Variants in SOCS4 observed in about 807,000 individuals in gnomAD.
The protein encoded by SOCS4 is suppressor of cytokine signaling 4.
SOCS4 carries 20 observed loss-of-function variants against 34.1 expected under a neutral mutation model. That is an observed-to-expected ratio of 0.59 (90% confidence interval 0.41 to 0.85). The LOEUF (loss-of-function observed/expected upper bound fraction) is 0.85, where lower values mean the gene tolerates loss of function less well. SOCS4 is among the 40% of genes least tolerant of loss of function. The pLI, the probability that SOCS4 is intolerant of heterozygous loss-of-function variation, is 0.00. For synonymous variants in SOCS4, 180 were observed against 186.4 expected (o/e 0.97, Z 0.28); for missense variants, 479 against 532.4 (o/e 0.90, Z 0.99).
At chr14:55,042,594 A>G (rs1365828611) in intron 2 of SOCS4, among the ~76,000 whole-genome samples, 5 of 152,226 alleles carry the variant, frequency 3.3e-5, no homozygotes, top group African/African-American at 1.2e-4. Context: ...CTGCTGTGAA[A>G]TAAGAAAACT....
intron 2 of SOCS4, among the ~76,000 whole-genome samples, chr14:55,033,933 A>T (rs1267428907): frequency 1.3e-5 from 2 of 152,192 alleles, no homozygotes; most frequent in African/African-American, 4.8e-5. Flanking sequence ...GAGGAATTCA[A>T]CACCAGCCTG....
At position 55,043,585 on chromosome 14, in the gene SOCS4, G is replaced by A. The variant is rs2042641810; in HGVS notation, c.544G>A (p.Glu182Lys). 6.2e-7 allele frequency: 1 copy of A among 1,614,096 alleles called. No individual in the cohort carries two copies. The highest frequency in any genetic ancestry group is 1.3e-5 in the African/African-American group (1 of 75,030). The change falls in exon 3 of 3, where the codon GAA becomes AAA. Residue 182 changes from glutamate to lysine, a missense_variant. Coordinates refer to ENST00000555846, the MANE Select transcript of SOCS4 (RefSeq NM_199421.2). ...TGGTCAGCTAAAACGAAGAAATATG[G>A]AAGAAAATATAAACTGTTTCTCACA... Reference protein sequence around the residue: ...RDGQLKRRNMEENINCFSHTN... With the variant: ...RDGQLKRRNMKENINCFSHTN...
intron 2 of SOCS4, among the ~76,000 whole-genome samples, chr14:55,039,876 A>G (rs1353854886): frequency 6.6e-6 from 1 of 152,232 alleles, no homozygotes; most frequent in Non-Finnish European, 1.5e-5. Flanking sequence ...AGCCCAGGCA[A>G]CAGAGCAAGA....
chr14:55,042,932 CTTT>C lies in SOCS4; in HGVS notation c.-90-14_-90-12del. On this transcript the variant is annotated splice_polypyrimidine_tract_variant and intron_variant, in intron 2 of 2. Coordinates refer to ENST00000555846, the MANE Select transcript of SOCS4 (RefSeq NM_199421.2). ...AAGGTAGATGACAAATGGTTAATGACTTTTTTTTGTTTTCTTTAGATACATCCA... is the reference window on the plus strand; with the variant it reads ...AAGGTAGATGACAAATGGTTAATGACTTTTTGTTTTCTTTAGATACATCCA... The C allele has an allele frequency of 1.0e-6, 1 of 989,892 alleles. No individual in the cohort carries two copies. The highest frequency in any genetic ancestry group is 1.8e-5 in the South Asian group (1 of 56,980). 61.3% of individuals were successfully genotyped at this position (989,892 alleles called of 1,614,324 possible).
rs2042667222 is a variant in SOCS4 at position 55,045,524 on chromosome 14, G to T, written c.*1160G>T. Reference sequence around the variant, plus strand: ...AGTCTGTAATGTGGCTTCAAAAAAAGAAAGCCTTTTGACAGCTACATGACT... The same window carrying T: ...AGTCTGTAATGTGGCTTCAAAAAAATAAAGCCTTTTGACAGCTACATGACT... On this transcript the variant is annotated 3_prime_UTR_variant, in exon 3 of 3. Transcript: ENST00000555846. 1 of 166,880 alleles carries T rather than the reference G, an allele frequency of 6.0e-6. No homozygotes were observed. Among genetic ancestry groups the T allele is most frequent in the Non-Finnish European group, 1.5e-5 (1 of 68,012 alleles). The allele number at this position is 166,880 out of a possible 1,614,324, so 10.3% of individuals were successfully genotyped here. A position where few individuals can be genotyped will look rare whatever the true frequency, so the allele number is the denominator to read the frequency against.
chr14:55,042,903 A>T, intron 2 of SOCS4, 49 bp from the exon 3 acceptor site: 1 of 724,598 alleles, frequency 1.4e-6, no homozygotes, highest in Non-Finnish European at 2.2e-6. Flanking sequence ...TATGTAAACT[A>T]GACAAGGTAG....
Position 55,043,445 on chromosome 14 carries a change from C to T in SOCS4, c.404C>T (p.Pro135Leu), listed in dbSNP as rs1255541004. The stretch of plus-strand genomic sequence containing the variant: ...CTCATGTTAGATAAGTGTCCTTTCC[C>T]ACCTCGATCAGATTTAGCCTTTAGG... ...SELMLDKCPF[P>L]PRSDLAFRWH... Residue 135 changes from proline to leucine, a missense_variant, in exon 3 of 3, where the codon CCA becomes CTA. Coordinates refer to ENST00000555846, the MANE Select transcript of SOCS4 (RefSeq NM_199421.2). 1.9e-6 allele frequency: 3 copies of T among 1,614,014 alleles called. No homozygotes were observed. Among genetic ancestry groups the T allele is most frequent in the Non-Finnish European group, 2.5e-6 (3 of 1,180,038 alleles).
At position 55,045,826 on chromosome 14, in the gene SOCS4, A is replaced by G. The variant is rs904066613; in HGVS notation, c.*1462A>G. 2.4e-5 allele frequency: 4 copies of G among 166,952 alleles called. No individual in the cohort carries two copies. Among genetic ancestry groups the G allele is most frequent in the African/African-American group, 9.6e-5 (4 of 41,458 alleles). 10.3% of individuals were successfully genotyped at this position (166,952 alleles called of 1,614,324 possible). On this transcript the variant is annotated 3_prime_UTR_variant, in exon 3 of 3. Transcript: ENST00000555846. ...TTAGCTATATTAGGAAACTGCTTCT[A>G]CCTAGATTGAAAGAAATTTGACTCA...
rs2042691374 is a variant in SOCS4 at position 55,047,928 on chromosome 14, CTTTTTTTTTGAGA to C, written c.*3565_*3577del. On this transcript the variant is annotated 3_prime_UTR_variant, in exon 3 of 3. Transcript: ENST00000555846. ...CTATGAAACAAAAACCTTGAGATCT[CTTTTTTTTTGAGA>C]CAGAGTCTCGCTGTTGTCAGCCCAG... The C allele has an allele frequency of 6.0e-6, 1 of 166,128 alleles. No individual in the cohort carries two copies. The highest frequency in any genetic ancestry group is 6.6e-5 in the Admixed American group (1 of 15,172). 10.3% of individuals were successfully genotyped at this position (166,128 alleles called of 1,614,324 possible).
intron 1 of SOCS4, 174 bp downstream of exon 1, chr14:55,027,645 A>G (rs1171931105): frequency 6.6e-6 from 1 of 152,210 alleles, no homozygotes; most frequent in Non-Finnish European, 1.5e-5. Context: ...AGAAGGCGAG[A>G]TCTTCTAGAG....
chr14:55,035,968 A>G (rs542754357), intron 2 of SOCS4, among the ~76,000 whole-genome samples: 94 of 150,400 alleles, frequency 6.3e-4, no homozygotes, highest in African/African-American at 2.2e-3. Context: ...TGATTTAAAG[A>G]AAAAAAAAAT....
Position 55,046,270 on chromosome 14 carries a change from A to G in SOCS4, c.*1906A>G, listed in dbSNP as rs1313112833. 2 of 166,916 alleles carry G rather than the reference A, an allele frequency of 1.2e-5. No homozygotes were observed. Among genetic ancestry groups the G allele is most frequent in the Admixed American group, 6.5e-5 (1 of 15,284 alleles). The allele number at this position is 166,916 out of a possible 1,614,324, so 10.3% of individuals were successfully genotyped here. A position where few individuals can be genotyped will look rare whatever the true frequency, so the allele number is the denominator to read the frequency against. ...AGAAGCTTATCTTATTAACCAATATACCACTTCCTAAATATCCATCTTTGG... is the reference window on the plus strand; with the variant it reads ...AGAAGCTTATCTTATTAACCAATATGCCACTTCCTAAATATCCATCTTTGG... On this transcript the variant is annotated 3_prime_UTR_variant, in exon 3 of 3. Transcript: ENST00000555846.
chr14:55,048,888 G>A lies in SOCS4; in HGVS notation c.*4524G>A, dbSNP rs1270058867. ...AAAATAATTGCTGTACAGCCATTGA[G>A]TACTAACATGATGATAGGTTTTCAA... On this transcript the variant is annotated 3_prime_UTR_variant, in exon 3 of 3. Transcript: ENST00000555846. The A allele has an allele frequency of 6.0e-6, 1 of 167,056 alleles. No homozygotes were observed. The highest frequency in any genetic ancestry group is 1.5e-5 in the Non-Finnish European group (1 of 68,112). The allele number at this position is 167,056 out of a possible 1,614,324, so 10.3% of individuals were successfully genotyped here.
chr14:55,029,849 T>G (rs558290646), intron 1 of SOCS4, among the ~76,000 whole-genome samples: 1 of 152,284 alleles, frequency 6.6e-6, no homozygotes, highest in Admixed American at 6.5e-5. Context: ...TATGTATACT[T>G]AATATGATAT....
chr14:55,042,556 G>A (rs143605998), intron 2 of SOCS4, among the ~76,000 whole-genome samples: 190 of 152,296 alleles, frequency 1.2e-3, no homozygotes, highest in African/African-American at 4.4e-3. Flanking sequence ...ATAGATTTGT[G>A]TCTGTCTTCT....
In SOCS4 at chr14:55,049,476, A is replaced by G. The variant is rs2042706525; in HGVS notation, c.*5112A>G. On this transcript the variant is annotated 3_prime_UTR_variant, in exon 3 of 3. Coordinates refer to ENST00000555846, the MANE Select transcript of SOCS4 (RefSeq NM_199421.2). ...CATTTCTACTTAATTAAAACTTCCT[A>G]TGTAAAATCCAAAGGCTTTGTGTTT... 6.0e-6 allele frequency: 1 copy of G among 167,042 alleles called. No individual in the cohort carries two copies. The highest frequency in any genetic ancestry group is 2.1e-4 in the South Asian group (1 of 4,836). The allele number at this position is 167,042 out of a possible 1,614,324, so 10.3% of individuals were successfully genotyped here. A position where few individuals can be genotyped will look rare whatever the true frequency, so the allele number is the denominator to read the frequency against.
chr14:55,041,783 C>CTTTTT lies in SOCS4; in HGVS notation c.-90-1147_-90-1143dup, dbSNP rs35998700. Reference sequence around the variant, plus strand: ...CCACCGTGCCCAGCCAACCCTTAATCTTTTTTTTTTTTTTTTTTTTTTTTT... The same window carrying CTTTTT: ...CCACCGTGCCCAGCCAACCCTTAATCTTTTTTTTTTTTTTTTTTTTTTTTTTTTTT... On this transcript the variant is annotated intron_variant, in intron 2 of 2. Coordinates refer to ENST00000555846, the MANE Select transcript of SOCS4 (RefSeq NM_199421.2). Among the ~76,000 whole-genome samples, 59 of 40,080 alleles carry CTTTTT rather than the reference C, an allele frequency of 1.5e-3. 5 individuals are homozygous for CTTTTT. In the South Asian group the frequency reaches 0.02, roughly 14 times the overall value. The allele number at this position is 40,080 out of a possible 152,430, so 26.3% of individuals were successfully genotyped here. A position where few individuals can be genotyped will look rare whatever the true frequency, so the allele number is the denominator to read the frequency against.
chr14:55,039,732 A>G (rs976147523), intron 2 of SOCS4, among the ~76,000 whole-genome samples: 1 of 152,118 alleles, frequency 6.6e-6, no homozygotes, highest in African/African-American at 2.4e-5. Context: ...TCTCTACTAA[A>G]AATACAAAAA....
chr14:55,028,208 G>A (rs1046525737), intron 1 of SOCS4, among the ~76,000 whole-genome samples: 2 of 152,052 alleles, frequency 1.3e-5, no homozygotes, highest in Non-Finnish European at 2.9e-5. Flanking sequence ...CAGGCAAACC[G>A]TCGTGTTCTT....
Sources: gnomAD v4.1 joint callset for allele counts (sites outside exome capture counted in the v4.1 genomes callset) on GRCh38, gnomAD v4.1.1 for gene constraint, MANE v1.5 for transcripts, NCBI Gene and HGNC (gene_info 2026-07-23, HGNC 2026-07-21) for gene names.